NEBL: variants seen among roughly 807,000 people sequenced by gnomAD.
The protein encoded by NEBL is LIM and SH3 protein 2.
In NEBL, 122 loss-of-function variants were observed where a neutral mutation model predicts 140.2. The observed-to-expected ratio is 0.87, with a 90% CI of 0.75 to 1.01. The LOEUF (loss-of-function observed/expected upper bound fraction) is 1.01, where lower values mean the gene tolerates loss of function less well. Among genes scored for constraint, NEBL ranks in the 50% least tolerant of loss-of-function variants. NEBL has a pLI of 0.00. For missense variants in NEBL, 1,365 were observed against 1,231.3 expected (o/e 1.11, Z -1.62); for synonymous variants, 436 against 398.9 (o/e 1.09, Z -1.11).
At position 20,886,987 on chromosome 10, in the gene NEBL, A is replaced by G. The variant is rs144302275; in HGVS notation, c.369+1110T>C. On this transcript the variant is annotated intron_variant, in intron 4 of 27. Coordinates refer to ENST00000377122, the MANE Select transcript of NEBL (RefSeq NM_006393.3). The stretch of plus-strand genomic sequence containing the variant: ...TCCGAGCACAAGACCAGAGCAAGGA[A>G]CGAGACAGATGAGGTCCCTGCTCTC... Among the ~76,000 whole-genome samples the G allele has an allele frequency of 2.2e-3, 335 of 152,348 alleles. 11 individuals are homozygous for G. Among genetic ancestry groups the G allele is most frequent in the Non-Finnish European group, 1.0e-3 (68 of 68,032 alleles).
intron 4 of NEBL, among the ~76,000 whole-genome samples, chr10:20,907,655 G>T (rs1038211326): frequency 5.9e-5 from 9 of 152,180 alleles, no homozygotes; most frequent in African/African-American, 2.2e-4. Flanking sequence ...TTAATAAAGA[G>T]GTTGGCATCT....
intron 2 of NEBL, among the ~76,000 whole-genome samples, chr10:21,025,895 T>C (rs1454015277): frequency 6.6e-6 from 1 of 152,192 alleles, no homozygotes; most frequent in South Asian, 2.1e-4. Flanking sequence ...CAAGAAAATG[T>C]CTACCATTAC....
intron 2 of NEBL, among the ~76,000 whole-genome samples, chr10:21,039,434 C>G (rs1436113512): frequency 6.6e-6 from 1 of 152,116 alleles, no homozygotes; most frequent in Non-Finnish European, 1.5e-5. Flanking sequence ...GTTTCTGTTT[C>G]TGCATATGGC....
At chr10:21,172,448 C>T in exon 2 of NEBL, 1 of 1,612,466 alleles carries the variant, frequency 6.2e-7, no homozygotes, top group Non-Finnish European at 8.5e-7. Context: ...TCTTGCAGAC[C>T]TCACAATGGA....
intron 2 of NEBL, among the ~76,000 whole-genome samples, chr10:21,147,368 ATTC>A (rs145388124): frequency 0.011 from 1,628 of 149,228 alleles, 15 homozygotes; most frequent in Non-Finnish European, 0.018. Flanking sequence ...TCTTTCTGGA[ATTC>A]TTCTCTGACC....
intron 3 of NEBL, among the ~76,000 whole-genome samples, chr10:21,011,371 T>C (rs962690636): frequency 4.6e-5 from 7 of 152,260 alleles, no homozygotes; most frequent in African/African-American, 1.7e-4. Flanking sequence ...TGTGATTCTT[T>C]ACAAGTCCGT....
chr10:21,112,746 A>T (rs1417522999), intron 2 of NEBL: 1 of 159,284 alleles, frequency 6.3e-6, no homozygotes. Flanking sequence ...TATAATAAAA[A>T]AAAAAAAAGA....
At chr10:20,939,696 C>T (rs1200501529) in intron 4 of NEBL, among the ~76,000 whole-genome samples, 19 of 152,062 alleles carry the variant, frequency 1.2e-4, no homozygotes, top group East Asian at 3.9e-4. Flanking sequence ...ACCCATCTCA[C>T]GTGCAGAGAC....
chr10:21,019,500 T>C (rs1421810458), intron 3 of NEBL, among the ~76,000 whole-genome samples: 1 of 152,218 alleles, frequency 6.6e-6, no homozygotes, highest in African/African-American at 2.4e-5. Flanking sequence ...GCACCCCATA[T>C]TTACTAAAAG....
intron 3 of NEBL, among the ~76,000 whole-genome samples, chr10:20,996,820 C>G (rs1234642097): frequency 6.6e-6 from 1 of 152,200 alleles, no homozygotes; most frequent in African/African-American, 2.4e-5. Context: ...ATCTAAAAAG[C>G]AGTTCCAACT....
chr10:21,204,201 A>T (rs949324998), intron 3 of NEBL, among the ~76,000 whole-genome samples: 130 of 152,296 alleles, frequency 8.5e-4, no homozygotes, highest in African/African-American at 2.9e-3. Context: ...AACAAGCCTC[A>T]GAATTAGTTA....
At chr10:21,006,133 C>G (rs547315089) in intron 3 of NEBL, among the ~76,000 whole-genome samples, 1 of 152,126 alleles carries the variant, frequency 6.6e-6, no homozygotes, top group African/African-American at 2.4e-5. Flanking sequence ...TTTAAATGAT[C>G]GCATCATATT....
At chr10:20,962,478 G>A (rs1054458541) in intron 3 of NEBL, among the ~76,000 whole-genome samples, 33 of 152,320 alleles carry the variant, frequency 2.2e-4, no homozygotes, top group African/African-American at 7.7e-4. Context: ...CTGAAGTAGC[G>A]AAGATTTTTT....
chr10:21,062,473 C>A (rs2131882894), intron 2 of NEBL, among the ~76,000 whole-genome samples: 1 of 151,002 alleles, frequency 6.6e-6, no homozygotes, highest in Middle Eastern at 3.4e-3. Context: ...TCAGCCTGGG[C>A]AACATAGAGA....
intron 3 of NEBL, among the ~76,000 whole-genome samples, chr10:20,976,701 T>A (rs1455093217): frequency 1.3e-5 from 2 of 151,974 alleles, no homozygotes; most frequent in East Asian, 3.9e-4. Context: ...TTCTCACTTA[T>A]AAATAGGAGC....
At chr10:21,268,641 A>G (rs1473167669) in intron 1 of NEBL, among the ~76,000 whole-genome samples, 1 of 151,318 alleles carries the variant, frequency 6.6e-6, no homozygotes, top group East Asian at 2.0e-4. Flanking sequence ...CTCCTGCCTC[A>G]GCCTCCCAAG....
chr10:21,085,943 G>C (rs532494142), intron 2 of NEBL, among the ~76,000 whole-genome samples: 1 of 151,824 alleles, frequency 6.6e-6, no homozygotes, highest in East Asian at 1.9e-4. Context: ...ATGGAAATCT[G>C]CATTTTTTTC....
intron 11 of NEBL, 66 bp from the exon 12 acceptor site, chr10:20,845,434 A>C (rs188443850): frequency 4.9e-6 from 5 of 1,022,726 alleles, no homozygotes; most frequent in African/African-American, 4.7e-5. Context: ...AGAGATTTGA[A>C]CAAGAGTTCC....
At chr10:20,837,793 T>C (rs536216875) in intron 13 of NEBL, among the ~76,000 whole-genome samples, 1 of 152,322 alleles carries the variant, frequency 6.6e-6, no homozygotes, top group Admixed American at 6.5e-5. Flanking sequence ...TCATTTACCA[T>C]TCTGGAAATC....
Sources: allele counts gnomAD v4.1 joint callset (sites outside exome capture counted in the v4.1 genomes callset), GRCh38; gene constraint gnomAD v4.1.1; transcripts MANE v1.5; gene names NCBI Gene and HGNC (gene_info 2026-07-23, HGNC 2026-07-21).